Variants in NPFFR2 observed in about 807,000 individuals in gnomAD.
The protein encoded by NPFFR2 is G-protein coupled receptor 74.
Under a neutral mutation model 13.1 loss-of-function variants are expected in NPFFR2, and 15 were observed. That is an observed-to-expected ratio of 1.15 (90% CI 0.77 to 1.76). NPFFR2 has a LOEUF of 1.76. Among genes scored for constraint, NPFFR2 ranks in the 40% most tolerant of loss-of-function variants. The pLI is 0.00. For synonymous variants in NPFFR2, 190 were observed against 175.7 expected (o/e 1.08, Z -0.65); for missense variants, 572 against 503.5 (o/e 1.14, Z -1.30).
At chr4:72,080,962 C>G (rs1232947436) in intron 1 of NPFFR2, among the ~76,000 whole-genome samples, 1 of 146,848 alleles carries the variant, frequency 6.8e-6, no homozygotes, top group Non-Finnish European at 1.5e-5. Context: ...ACATCTTCCC[C>G]ATAGATCCCT....
intron 1 of NPFFR2, among the ~76,000 whole-genome samples, chr4:72,108,563 T>TA (rs1229576847): frequency 6.6e-6 from 1 of 151,928 alleles, no homozygotes; most frequent in East Asian, 1.9e-4. Flanking sequence ...TCTAATACCT[T>TA]AAAAAACCCC....
chr4:72,134,561 T>G (rs1000697038), intron 2 of NPFFR2, among the ~76,000 whole-genome samples: 2 of 152,168 alleles, frequency 1.3e-5, no homozygotes, highest in Non-Finnish European at 2.9e-5. Context: ...TACATATATC[T>G]TATCCGTGCT....
rs552760266 is a variant in NPFFR2 at position 72,137,202 on chromosome 4, T to C, written c.329-838T>C. On this transcript the variant is annotated intron_variant, in intron 2 of 3. Transcript: ENST00000308744. ...ATTTAGGTTATTTAAAAATACTTTA[T>C]GTGTAAGAATATTTTGTTTCAGAAA... 3.3e-5 allele frequency among the ~76,000 whole-genome samples: 5 copies of C among 152,260 alleles called. No homozygotes were observed. In the South Asian group the frequency reaches 1.0e-3, roughly 32 times the overall value.
Position 72,147,938 on chromosome 4 carries a change from C to T in NPFFR2, c.*126C>T, listed in dbSNP as rs961627038. 11 of 706,372 alleles carry T rather than the reference C, an allele frequency of 1.6e-5. No individual in the cohort carries two copies. The highest frequency in any genetic ancestry group is 1.5e-4 in the African/African-American group (8 of 54,758). The allele number at this position is 706,372 out of a possible 1,614,324, so 43.8% of individuals were successfully genotyped here. ...ATAAAACATTTACTGAAAGCCCTCT[C>T]TGGCAAAAAAATTAAAAATAAACAA... On this transcript the variant is annotated 3_prime_UTR_variant, in exon 4 of 4. Transcript: ENST00000308744.
intron 1 of NPFFR2, among the ~76,000 whole-genome samples, chr4:72,048,010 G>A (rs1425115926): frequency 1.3e-5 from 2 of 152,012 alleles, no homozygotes; most frequent in Non-Finnish European, 2.9e-5. Flanking sequence ...ACAGGGAGAT[G>A]GCTAACTTCG....
chr4:72,054,666 C>T (rs962928046), intron 1 of NPFFR2, among the ~76,000 whole-genome samples: 3 of 151,718 alleles, frequency 2.0e-5, no homozygotes, highest in Non-Finnish European at 4.4e-5. Flanking sequence ...TTTTTTTGCT[C>T]TCTGAAAGAC....
chr4:72,075,303 T>C (rs1175898097), intron 1 of NPFFR2, among the ~76,000 whole-genome samples: 1 of 152,174 alleles, frequency 6.6e-6, no homozygotes, highest in Admixed American at 6.6e-5. Context: ...CTGTTCAGCC[T>C]GGAGACAGCC....
At chr4:72,048,527 G>T (rs191605279) in intron 1 of NPFFR2, among the ~76,000 whole-genome samples, 69 of 151,292 alleles carry the variant, frequency 4.6e-4, no homozygotes, top group African/African-American at 1.4e-3. Flanking sequence ...TCCTGTGTGG[G>T]AATGAAAGAA....
At chr4:72,065,780 A>C (rs1342368001) in intron 1 of NPFFR2, among the ~76,000 whole-genome samples, 1 of 152,294 alleles carries the variant, frequency 6.6e-6, no homozygotes, top group East Asian at 1.9e-4. Flanking sequence ...AGCAGGGTAC[A>C]GGAACTATCC....
At chr4:72,054,866 T>C (rs1313869144) in intron 1 of NPFFR2, among the ~76,000 whole-genome samples, 6 of 151,848 alleles carry the variant, frequency 4.0e-5, no homozygotes, top group Non-Finnish European at 8.8e-5. Context: ...TCTGTCTTCA[T>C]GAAAAAGAAA....
At chr4:72,081,145 T>C (rs1171305573) in intron 1 of NPFFR2, among the ~76,000 whole-genome samples, 1 of 152,214 alleles carries the variant, frequency 6.6e-6, no homozygotes, top group Non-Finnish European at 1.5e-5. Context: ...CAGCAATTCC[T>C]ACTCTTGTCT....
At chr4:72,071,864 A>G (rs1000135947) in intron 1 of NPFFR2, among the ~76,000 whole-genome samples, 10 of 152,048 alleles carry the variant, frequency 6.6e-5, no homozygotes, top group African/African-American at 2.4e-4. Context: ...CTTCCCCTTC[A>G]CCTTCATTTT....
intron 1 of NPFFR2, among the ~76,000 whole-genome samples, chr4:72,110,179 T>C (rs1721526685): frequency 6.6e-6 from 1 of 151,932 alleles, no homozygotes; most frequent in African/African-American, 2.4e-5. Flanking sequence ...GCTCTCATGA[T>C]AGAGAGTACT....
Position 72,050,799 on chromosome 4 carries a change from T to C in NPFFR2, c.-8+18599T>C, listed in dbSNP as rs531799537. ...CCACAACAGTCCCCAGAGTGTGATG[T>C]TCCCCTTCCTGTGTCCATGTGTTCT... On this transcript the variant is annotated intron_variant, in intron 1 of 3. Coordinates refer to ENST00000308744, the MANE Select transcript of NPFFR2 (RefSeq NM_004885.3). 5.3e-3 allele frequency among the ~76,000 whole-genome samples: 784 copies of C among 146,922 alleles called. 5 individuals are homozygous for C. Among genetic ancestry groups the C allele is most frequent in the African/African-American group, 0.019 (752 of 39,630 alleles).
At chr4:72,074,352 A>G (rs1465969380) in intron 1 of NPFFR2, among the ~76,000 whole-genome samples, 1 of 152,044 alleles carries the variant, frequency 6.6e-6, no homozygotes, top group Non-Finnish European at 1.5e-5. Flanking sequence ...TCACTTCATC[A>G]CAAGAAGAAG....
At chr4:72,068,553 C>T (rs894378332) in intron 1 of NPFFR2, among the ~76,000 whole-genome samples, 5 of 152,192 alleles carry the variant, frequency 3.3e-5, no homozygotes, top group African/African-American at 1.2e-4. Context: ...TCTATGAGAG[C>T]AGGGCCCTCT....
intron 1 of NPFFR2, among the ~76,000 whole-genome samples, chr4:72,113,182 A>G (rs1018966913): frequency 6.6e-6 from 1 of 152,126 alleles, no homozygotes; most frequent in Non-Finnish European, 1.5e-5. Context: ...CATTCCAAGT[A>G]GTCATATAAG....
chr4:72,040,838 G>C (rs1444114490), intron 1 of NPFFR2, among the ~76,000 whole-genome samples: 1 of 150,070 alleles, frequency 6.7e-6, no homozygotes, highest in Non-Finnish European at 1.5e-5. Context: ...CTTTCAGTAG[G>C]GTTTTATTTT....
At chr4:72,068,142 A>G (rs566787229) in intron 1 of NPFFR2, among the ~76,000 whole-genome samples, 4 of 152,310 alleles carry the variant, frequency 2.6e-5, no homozygotes, top group South Asian at 4.1e-4. Context: ...TTTCTCTCTT[A>G]GTCCATTTTT....
Sources: allele counts gnomAD v4.1 joint callset (sites outside exome capture counted in the v4.1 genomes callset), GRCh38; gene constraint gnomAD v4.1.1; transcripts MANE v1.5; gene names NCBI Gene and HGNC (gene_info 2026-07-23, HGNC 2026-07-21).